The following RPGRIP1 variants were observed in gnomAD, a reference collection of about 807,000 sequenced individuals.
The protein encoded by RPGRIP1 is RPGR interacting protein 1, also known as X-linked retinitis pigmentosa GTPase regulator-interacting protein 1.
Under a neutral mutation model 157.9 loss-of-function variants are expected in RPGRIP1, and 128 were observed. The observed-to-expected ratio is 0.81, with a 90% confidence interval of 0.70 to 0.94. The LOEUF (loss-of-function observed/expected upper bound fraction) is 0.94. Among genes scored for constraint, RPGRIP1 ranks in the 40% least tolerant of loss-of-function variants. RPGRIP1 has a pLI of 0.00. For synonymous variants in RPGRIP1, 554 were observed against 571.6 expected (o/e 0.97, Z 0.44); for missense variants, 1,486 against 1,545.8 (o/e 0.96, Z 0.65).
chr14:21,302,258 T>C (rs1881065819), intron 4 of RPGRIP1, among the ~76,000 whole-genome samples: 1 of 152,312 alleles, frequency 6.6e-6, no homozygotes, highest in Non-Finnish European at 1.5e-5. Context: ...TCCACCTTTC[T>C]TTTTTCTTCC....
chr14:21,334,580 A>G (rs539274935), intron 20 of RPGRIP1, 25 bp from the exon 21 acceptor site: 28 of 1,541,950 alleles, frequency 1.8e-5, no homozygotes, highest in African/African-American at 1.8e-4. Flanking sequence ...AAACAGTTCT[A>G]TAACTGCAAC....
chr14:21,328,989 C>T (rs190486475), intron 19 of RPGRIP1, among the ~76,000 whole-genome samples: 1 of 151,896 alleles, frequency 6.6e-6, no homozygotes, highest in Non-Finnish European at 1.5e-5. Context: ...ACTAAAAATA[C>T]AAAAATTAGC....
intron 1 of RPGRIP1, among the ~76,000 whole-genome samples, chr14:21,281,587 G>A (rs994180193): frequency 2.6e-5 from 4 of 151,536 alleles, no homozygotes; most frequent in African/African-American, 9.7e-5. Context: ...TGCCTGGGGG[G>A]CTGAGACATG....
chr14:21,344,935 C>A (rs1885409688), intron 22 of RPGRIP1, among the ~76,000 whole-genome samples, 178 bp from the exon 23 acceptor site: 1 of 152,008 alleles, frequency 6.6e-6, no homozygotes, highest in African/African-American at 2.4e-5. Context: ...CAGTAAGAAT[C>A]TGTCACACAC....
At position 21,294,819 on chromosome 14, in the gene RPGRIP1, G is replaced by A. The variant is rs1880694491; in HGVS notation, c.218+10G>A. 6.8e-6 allele frequency: 6 copies of A among 883,468 alleles called. No individual in the cohort carries two copies. The highest frequency in any genetic ancestry group is 9.8e-6 in the Non-Finnish European group (6 of 612,314). The allele number at this position is 883,468 out of a possible 1,614,324, so 54.7% of individuals were successfully genotyped here. On this transcript the variant is annotated intron_variant, in intron 3 of 24. Coordinates refer to ENST00000400017, the MANE Select transcript of RPGRIP1 (RefSeq NM_020366.4). ...AGGATGAGATCAAAAGGTACTTAGA[G>A]TTCTCCTTAAATTTTTTTTTTTTTT...
chr14:21,314,364 A>C (rs1223383753), intron 10 of RPGRIP1, among the ~76,000 whole-genome samples: 1 of 152,046 alleles, frequency 6.6e-6, no homozygotes, highest in African/African-American at 2.4e-5. Context: ...GATTACAGGC[A>C]TGAGCCACCG....
chr14:21,293,579 C>G (rs187666692), intron 2 of RPGRIP1, among the ~76,000 whole-genome samples: 1 of 151,384 alleles, frequency 6.6e-6, no homozygotes, highest in East Asian at 2.0e-4. Flanking sequence ...CCTGTCTCTA[C>G]TAAAAATACA....
chr14:21,343,263 G>A (rs1885204093), intron 22 of RPGRIP1, 35 bp downstream of exon 22: 1 of 1,533,528 alleles, frequency 6.5e-7, no homozygotes, highest in South Asian at 1.2e-5. Flanking sequence ...GGGTGAGGAA[G>A]TCTGATGAAC....
chr14:21,328,671 T>C (rs1276254414), intron 19 of RPGRIP1, 44 bp downstream of exon 19: 2 of 1,288,604 alleles, frequency 1.6e-6, no homozygotes, highest in African/African-American at 1.5e-5. Context: ...TGGGTTGTAG[T>C]GTCCCCAGAT....
At chr14:21,307,333 C>T (rs747621499) in intron 6 of RPGRIP1, among the ~76,000 whole-genome samples, 19 of 152,194 alleles carry the variant, frequency 1.2e-4, no homozygotes, top group Non-Finnish European at 2.6e-4. Context: ...GGATTATAGG[C>T]GTGAGCCACG....
At chr14:21,314,714 GAA>G (rs557139978) in intron 10 of RPGRIP1, among the ~76,000 whole-genome samples, 3 of 131,040 alleles carry the variant, frequency 2.3e-5, no homozygotes, top group Admixed American at 7.8e-5. Flanking sequence ...ACTCTGTCTC[GAA>G]AAAAAAAAAA....
At chr14:21,322,142 C>A in intron 14 of RPGRIP1, 138 bp downstream of exon 14, 1 of 680,814 alleles carries the variant, frequency 1.5e-6, no homozygotes, top group Admixed American at 3.6e-5. Flanking sequence ...TTTATCCTAT[C>A]ATTTTTGTTG....
intron 21 of RPGRIP1, among the ~76,000 whole-genome samples, chr14:21,338,703 T>C (rs1003552765): frequency 1.3e-5 from 2 of 152,238 alleles, no homozygotes; most frequent in Admixed American, 1.3e-4. Flanking sequence ...TCCAACCTAA[T>C]ATGAATGAAT....
rs1201518060 is a variant in RPGRIP1 at position 21,317,707 on chromosome 14, G to A, written c.1163G>A (p.Ser388Asn). The change falls in exon 11 of 25, where the codon AGC (serine) becomes AAC (asparagine). Residue 388 changes from serine to asparagine, a missense_variant. Coordinates refer to ENST00000400017, the MANE Select transcript of RPGRIP1 (RefSeq NM_020366.4). Reference protein sequence around the residue: ...YDKLLESMLDSSDSSSQPHWS... With the variant: ...YDKLLESMLDNSDSSSQPHWS... Reference sequence around the variant, plus strand: ...CTTTCCATTGCCAGCATGCTGGACAGCAGTGACAGCTCCAGTCAGCCCCAC... The same window carrying A: ...CTTTCCATTGCCAGCATGCTGGACAACAGTGACAGCTCCAGTCAGCCCCAC... 1 of 1,585,534 alleles carries A rather than the reference G, an allele frequency of 6.3e-7. No homozygotes were observed.
At chr14:21,346,995 A>G (rs1329692021) in intron 23 of RPGRIP1, among the ~76,000 whole-genome samples, 6 of 152,264 alleles carry the variant, frequency 3.9e-5, no homozygotes, top group African/African-American at 1.4e-4. Context: ...GTAAGCTTAC[A>G]GAGAACTTTT....
chr14:21,325,000 T>C lies in RPGRIP1; in HGVS notation c.2145T>C (p.Ala715=). ...TGGCCAGTGAACACAGCACTCTTGC[T>C]GCAGGATGGATTTGCTTTGACAGGG... The part of the protein sequence containing the change: ...QAMASEHSTL[A]AGWICFDRVL... Residue 715 remains alanine, a synonymous_variant, in exon 15 of 25, where the codon GCT becomes GCC. Coordinates refer to ENST00000400017, the MANE Select transcript of RPGRIP1 (RefSeq NM_020366.4). 1 of 1,614,056 alleles carries C rather than the reference T, an allele frequency of 6.2e-7. No homozygotes were observed. Among genetic ancestry groups the C allele is most frequent in the Non-Finnish European group, 8.5e-7 (1 of 1,179,898 alleles).
At chr14:21,295,529 G>A (rs1880735928) in intron 3 of RPGRIP1, among the ~76,000 whole-genome samples, 1 of 145,726 alleles carries the variant, frequency 6.9e-6, no homozygotes, top group African/African-American at 2.6e-5. Flanking sequence ...TGTTGCCCAG[G>A]CTGGAGCGCA....
Position 21,302,861 on chromosome 14 carries a change from T to C in RPGRIP1, c.587+277T>C, listed in dbSNP as rs377115691. The C allele has an allele frequency of 0.014, 2,514 of 181,032 alleles. 79 individuals carry two copies. Among genetic ancestry groups the C allele is most frequent in the African/African-American group, 0.059 (2,329 of 39,194 alleles). The allele number at this position is 181,032 out of a possible 1,614,324, so 11.2% of individuals were successfully genotyped here. On this transcript the variant is annotated intron_variant, in intron 5 of 24. Transcript: ENST00000400017. ...TTTTCCTTAGGTCATAATTCCTTTGTTGTGTTTTTTTTTTTTTTTTTTTTT... is the reference window on the plus strand; with the variant it reads ...TTTTCCTTAGGTCATAATTCCTTTGCTGTGTTTTTTTTTTTTTTTTTTTTT...
rs112069894 is a variant in RPGRIP1, at chr14:21,290,289, A to G, written c.85+2228A>G. On this transcript the variant is annotated intron_variant, in intron 2 of 24. Coordinates refer to ENST00000400017, the MANE Select transcript of RPGRIP1 (RefSeq NM_020366.4). ...GGCACCATTTTACATTCCTACCAGC[A>G]ACGTATGATGCTTCTGATTTCTTCA... Among the ~76,000 whole-genome samples, 1,246 of 152,338 alleles carry G rather than the reference A, an allele frequency of 8.2e-3. 13 individuals carry two copies. Among genetic ancestry groups the G allele is most frequent in the Middle Eastern group, 0.058 (17 of 294 alleles).
Sources: gnomAD v4.1 joint callset for allele counts (sites outside exome capture counted in the v4.1 genomes callset) on GRCh38, gnomAD v4.1.1 for gene constraint, MANE v1.5 for transcripts, NCBI Gene and HGNC (gene_info 2026-07-23, HGNC 2026-07-21) for gene names.